The following TOX2 variants were observed in gnomAD, a reference collection of about 807,000 sequenced individuals.
TOX2 encodes the protein granulosa cell HMG box 1.
TOX2 carries 15 observed loss-of-function variants against 47.4 expected under a neutral mutation model. The ratio of observed to expected loss-of-function variants is 0.32; its 90% confidence interval spans 0.21 to 0.49. The LOEUF is 0.49. TOX2 is among the 20% of genes least tolerant of loss of function. The pLI, the probability that TOX2 is intolerant of heterozygous loss-of-function variation, is 0.99. For missense variants in TOX2, 622 were observed against 673.1 expected, an observed-to-expected ratio of 0.92 and a Z score of 0.84; for synonymous variants, 290 against 296.6, an observed-to-expected ratio of 0.98 and a Z score of 0.23.
intron 3 of TOX2, among the ~76,000 whole-genome samples, chr20:44,047,280 A>G (rs1008458430): frequency 6.6e-6 from 1 of 152,184 alleles, no homozygotes; most frequent in Non-Finnish European, 1.5e-5. Context: ...TGTCAGAACC[A>G]AAAATGTCTT....
chr20:43,925,182 GC>G (rs1239486854), intron 1 of TOX2, among the ~76,000 whole-genome samples: 2 of 151,276 alleles, frequency 1.3e-5, no homozygotes, highest in African/African-American at 4.9e-5. Flanking sequence ...TCACTTTTAG[GC>G]CTCTCTTTTA....
intron 2 of TOX2, among the ~76,000 whole-genome samples, chr20:43,977,655 G>A (rs983042886): frequency 2.0e-5 from 3 of 151,916 alleles, no homozygotes; most frequent in African/African-American, 7.3e-5. Flanking sequence ...AGCTGCTTTA[G>A]CTTCTACAAA....
intron 3 of TOX2, among the ~76,000 whole-genome samples, chr20:44,008,840 G>A (rs6031291): frequency 0.035 from 5,361 of 152,286 alleles, 245 homozygotes; most frequent in African/African-American, 0.1. Flanking sequence ...CAGGGTTTCA[G>A]GCATGGTTCA....
intron 3 of TOX2, among the ~76,000 whole-genome samples, chr20:44,032,911 T>C (rs1233386939): frequency 6.6e-6 from 1 of 152,224 alleles, no homozygotes; most frequent in Non-Finnish European, 1.5e-5. Context: ...TCACCAGGAA[T>C]GGGGCTGTTG....
chr20:43,988,212 C>G (rs898071313), intron 2 of TOX2, among the ~76,000 whole-genome samples: 4 of 152,172 alleles, frequency 2.6e-5, no homozygotes, highest in Non-Finnish European at 5.9e-5. Context: ...GCCACCGCAC[C>G]TGGCCGAAAC....
intron 3 of TOX2, among the ~76,000 whole-genome samples, chr20:44,007,815 C>T (rs1395080500): frequency 1.3e-5 from 2 of 152,182 alleles, no homozygotes; most frequent in East Asian, 3.9e-4. Flanking sequence ...AAAAAAACAA[C>T]AGGAAGAAAC....
chr20:43,962,118 G>A (rs1315203288), intron 1 of TOX2, among the ~76,000 whole-genome samples: 1 of 152,266 alleles, frequency 6.6e-6, no homozygotes, highest in East Asian at 1.9e-4. Context: ...GGCTTTAAAT[G>A]GAGCTGAGAG....
At position 44,016,877 on chromosome 20, in the gene TOX2, A is replaced by C. The variant is rs140543520; in HGVS notation, c.411+10085A>C. Among the ~76,000 whole-genome samples the C allele has an allele frequency of 1.7e-3, 254 of 152,378 alleles. 1 individual carries two copies. Among genetic ancestry groups the C allele is most frequent in the Admixed American group, 4.2e-3 (65 of 15,310 alleles). On this transcript the variant is annotated intron_variant, in intron 3 of 8. Transcript: ENST00000341197. ...ATAAAATTTAAAGGTGTGTCCAAAA[A>C]GTCATCAAGATAAAAATAGTGTTTT...
chr20:44,060,842 C>T (rs185762013), intron 5 of TOX2, among the ~76,000 whole-genome samples: 163 of 152,120 alleles, frequency 1.1e-3, no homozygotes, highest in Middle Eastern at 3.4e-3. Context: ...AAGGTCACGC[C>T]TCAAGGAACT....
At chr20:44,050,978 A>G (rs369270522) in intron 3 of TOX2, among the ~76,000 whole-genome samples, 14 of 152,312 alleles carry the variant, frequency 9.2e-5, no homozygotes, top group African/African-American at 3.4e-4. Flanking sequence ...ATTGCATTCC[A>G]GGAGGGAAGA....
At chr20:43,999,370 AAATT>A (rs1363918071) in intron 2 of TOX2, among the ~76,000 whole-genome samples, 1 of 152,164 alleles carries the variant, frequency 6.6e-6, no homozygotes, top group Non-Finnish European at 1.5e-5. Context: ...AATATTTAAT[AAATT>A]AATTCATCAA....
rs191423681 is a variant in TOX2, at chr20:44,028,166, T to C, written c.411+21374T>C. On this transcript the variant is annotated intron_variant, in intron 3 of 8. Coordinates refer to ENST00000341197, the MANE Select transcript of TOX2 (RefSeq NM_001098797.2). ...GAATCAGCAGGGATCCTGATTTAGG[T>C]GGGGAGCCAGGGAAGGCCTCCTGAA... Among the ~76,000 whole-genome samples, 3 of 152,222 alleles carry C rather than the reference T, an allele frequency of 2.0e-5. No homozygotes were observed. In the East Asian group the frequency reaches 5.8e-4, roughly 29 times the overall value.
chr20:44,060,605 C>T (rs190483070), intron 5 of TOX2, among the ~76,000 whole-genome samples: 193 of 152,114 alleles, frequency 1.3e-3, no homozygotes, highest in African/African-American at 4.6e-3. Flanking sequence ...CAAAAGGAAC[C>T]CTCAAAACAA....
intron 1 of TOX2, chr20:43,955,167 T>A: frequency 1.1e-6 from 1 of 877,464 alleles, no homozygotes; most frequent in Non-Finnish European, 1.4e-6. Context: ...GAGGCTCCAC[T>A]GAAGCTATGG....
intron 2 of TOX2, among the ~76,000 whole-genome samples, chr20:43,977,904 C>T (rs765421473): frequency 7.9e-5 from 12 of 152,200 alleles, no homozygotes; most frequent in Admixed American, 5.2e-4. Context: ...CTTCCTGGGA[C>T]GAGGTGAGGA....
intron 3 of TOX2, among the ~76,000 whole-genome samples, chr20:44,024,743 T>C (rs545759861): frequency 7.2e-4 from 109 of 152,310 alleles, no homozygotes; most frequent in Non-Finnish European, 4.7e-4. Flanking sequence ...TTACTAAGTA[T>C]CTTTTCAGTC....
chr20:43,925,698 T>C (rs2069157601), intron 1 of TOX2, among the ~76,000 whole-genome samples: 1 of 152,248 alleles, frequency 6.6e-6, no homozygotes, highest in South Asian at 2.1e-4. Flanking sequence ...CAGGCTTCGC[T>C]GTCAGTCTGT....
At position 43,916,353 on chromosome 20, in the gene TOX2, C is replaced by T. The variant is rs373931660; in HGVS notation, c.99+1363C>T. On this transcript the variant is annotated intron_variant, in intron 1 of 8. Transcript: ENST00000341197. The surrounding 1 kb of genome is among the most constrained non-coding windows in gnomAD (Gnocchi z 5.0). Reference sequence around the variant, plus strand: ...CCCGGGGCCTCCCGGGCTGGGCCTCCCTGAGTGCGCCCTCAGGCCCCAGGG... The same window carrying T: ...CCCGGGGCCTCCCGGGCTGGGCCTCTCTGAGTGCGCCCTCAGGCCCCAGGG... The T allele has an allele frequency of 3.6e-4, 200 of 550,522 alleles. 9 individuals carry two copies. In the East Asian group the frequency reaches 0.014, roughly 39 times the overall value. The allele number at this position is 550,522 out of a possible 1,614,324, so 34.1% of individuals were successfully genotyped here. A position where few individuals can be genotyped will look rare whatever the true frequency, so the allele number is the denominator to read the frequency against.
At chr20:43,941,674 C>T (rs529352413) in intron 1 of TOX2, among the ~76,000 whole-genome samples, 2 of 152,306 alleles carry the variant, frequency 1.3e-5, no homozygotes, top group South Asian at 4.1e-4. Flanking sequence ...CACACCCTCT[C>T]AGCTTTGGTG....
Sources: allele counts gnomAD v4.1 joint callset (sites outside exome capture counted in the v4.1 genomes callset), GRCh38; gene constraint gnomAD v4.1.1; non-coding constraint Gnocchi (gnomAD v3.1); transcripts MANE v1.5; gene names NCBI Gene and HGNC (gene_info 2026-07-23, HGNC 2026-07-21).